The following TGS1 variants were observed in gnomAD, a reference collection of about 807,000 sequenced individuals.
TGS1 encodes the protein trimethylguanosine synthase 1.
A neutral mutation model predicts 92.2 loss-of-function variants in TGS1; 69 were observed. The observed-to-expected ratio is 0.75, with a 90% CI of 0.62 to 0.91. The LOEUF (loss-of-function observed/expected upper bound fraction) is 0.91. Ranked by LOEUF, TGS1 falls within the 40% of genes least tolerant of loss-of-function variation. TGS1 has a pLI of 0.00. For synonymous variants in TGS1, 345 were observed against 338.1 expected (o/e 1.02, Z -0.22); for missense variants, 1,062 against 1,001.2 (o/e 1.06, Z -0.82).
At chr8:55,800,743 G>A (rs1425801233) in intron 8 of TGS1, among the ~76,000 whole-genome samples, 2 of 152,146 alleles carry the variant, frequency 1.3e-5, no homozygotes, top group Non-Finnish European at 2.9e-5. Flanking sequence ...CACTTGTTTG[G>A]GGATGGGGAG....
At chr8:55,808,548 G>A (rs1355608608) in intron 10 of TGS1, among the ~76,000 whole-genome samples, 6 of 141,492 alleles carry the variant, frequency 4.2e-5, no homozygotes, top group East Asian at 2.0e-4. Context: ...TCACTCTGTC[G>A]CCCAGGTTGG....
At position 55,825,534 on chromosome 8, in the gene TGS1, T is replaced by C. The variant is rs1328908913; in HGVS notation, c.*831T>C. On this transcript the variant is annotated 3_prime_UTR_variant, in exon 13 of 13. Coordinates refer to ENST00000260129, the MANE Select transcript of TGS1 (RefSeq NM_024831.8). Reference sequence around the variant, plus strand: ...CAAAAAAATAGTGACATACAACACTTGTCCATTGAAGGTTAGACCTGGGAC... The same window carrying C: ...CAAAAAAATAGTGACATACAACACTCGTCCATTGAAGGTTAGACCTGGGAC... The C allele has an allele frequency of 6.6e-6, 1 of 152,246 alleles. No individual in the cohort carries two copies. The highest frequency in any genetic ancestry group is 1.5e-5 in the Non-Finnish European group (1 of 68,044). 9.4% of individuals were successfully genotyped at this position (152,246 alleles called of 1,614,324 possible).
At chr8:55,796,783 G>T (rs1812066722) in intron 7 of TGS1, among the ~76,000 whole-genome samples, 1 of 152,038 alleles carries the variant, frequency 6.6e-6, no homozygotes, top group South Asian at 2.1e-4. Context: ...CTGAGGTCAG[G>T]AGTTCGAGAC....
intron 9 of TGS1, 101 bp downstream of exon 9, chr8:55,802,707 C>G: frequency 8.5e-7 from 1 of 1,175,738 alleles, no homozygotes; most frequent in South Asian, 1.7e-5. Context: ...CCCCTTTACC[C>G]AGATTCAGCT....
At chr8:55,807,977 A>G (rs1400856671) in intron 10 of TGS1, among the ~76,000 whole-genome samples, 1 of 152,258 alleles carries the variant, frequency 6.6e-6, no homozygotes, top group Non-Finnish European at 1.5e-5. Context: ...AGGAAAGCGT[A>G]ATATGATTTT....
intron 1 of TGS1, among the ~76,000 whole-genome samples, chr8:55,774,419 T>C (rs995113118): frequency 6.6e-6 from 1 of 152,240 alleles, no homozygotes; most frequent in African/African-American, 2.4e-5. Context: ...GGAAGTGAAT[T>C]TTATGTGATA....
At chr8:55,792,877 A>G (rs1811924911) in intron 6 of TGS1, 93 bp downstream of exon 6, 1 of 762,812 alleles carries the variant, frequency 1.3e-6, no homozygotes, top group East Asian at 2.6e-5. Flanking sequence ...ATAAATGATC[A>G]TGTGTTGAGA....
chr8:55,810,361 G>A (rs984813407), intron 10 of TGS1, among the ~76,000 whole-genome samples: 6 of 152,132 alleles, frequency 3.9e-5, no homozygotes, highest in Non-Finnish European at 8.8e-5. Flanking sequence ...AAACATTATC[G>A]GCAGGTGTTT....
In TGS1 at chr8:55,786,896, A is replaced by C; in HGVS notation, c.998A>C (p.Gln333Pro). 6.2e-7 allele frequency: 1 copy of C among 1,614,206 alleles called. No homozygotes were observed. The highest frequency in any genetic ancestry group is 8.5e-7 in the Non-Finnish European group (1 of 1,180,016). ...AAACTGAATTCAGAGGAAGTAACAC[A>C]GAGCCAATTAGATTCCTGTACAAGT... ...NIKLNSEEVT[Q>P]SQLDSCTSHD... The change falls in exon 4 of 13, where the codon CAG becomes CCG. Residue 333 changes from glutamine (Q) to proline (P), a missense_variant. Transcript: ENST00000260129.
intron 7 of TGS1, 104 bp downstream of exon 7, chr8:55,796,256 T>C: frequency 1.2e-6 from 1 of 863,338 alleles, no homozygotes; most frequent in Non-Finnish European, 1.7e-6. Context: ...CTACCAGGTA[T>C]CAAGGTACAT....
intron 7 of TGS1, 46 bp downstream of exon 7, chr8:55,796,198 G>A (rs199700942): frequency 7.0e-7 from 1 of 1,436,514 alleles, no homozygotes; most frequent in Non-Finnish European, 9.6e-7. Flanking sequence ...ATCATGTTTT[G>A]TAAGTTTGAC....
intron 12 of TGS1, among the ~76,000 whole-genome samples, chr8:55,821,741 C>T (rs905649800): frequency 3.3e-5 from 5 of 151,664 alleles, no homozygotes; most frequent in African/African-American, 7.3e-5. Context: ...GGTGTGGTGG[C>T]GGGCGCCTGT....
chr8:55,798,823 C>T, intron 7 of TGS1, 91 bp from the exon 8 acceptor site: 1 of 1,061,328 alleles, frequency 9.4e-7, no homozygotes, highest in East Asian at 2.5e-5. Flanking sequence ...TTTGACACAG[C>T]TTTTCAGTCA....
rs114013344 is a variant in TGS1, at chr8:55,782,707, C to T, written c.102-41C>T. 2.4e-3 allele frequency: 3,581 copies of T among 1,492,256 alleles called. 76 individuals are homozygous for T. In the African/African-American group the frequency reaches 0.046, roughly 19 times the overall value. The allele number at this position is 1,492,256 out of a possible 1,614,324, so 92.4% of individuals were successfully genotyped here. On this transcript the variant is annotated intron_variant, in intron 1 of 12. Coordinates refer to ENST00000260129, the MANE Select transcript of TGS1 (RefSeq NM_024831.8). ...GATTTCTTTCCCTCTAAACTGATGGCTTAATTCATTTCAATATGAACTGCT... is the reference window on the plus strand; with the variant it reads ...GATTTCTTTCCCTCTAAACTGATGGTTTAATTCATTTCAATATGAACTGCT...
intron 12 of TGS1, among the ~76,000 whole-genome samples, chr8:55,820,618 C>T (rs570866458): frequency 1.3e-5 from 2 of 152,276 alleles, no homozygotes; most frequent in South Asian, 2.1e-4. Context: ...TGTGCTTTAA[C>T]ACCTTCATTG....
chr8:55,810,660 A>G (rs956238268), intron 10 of TGS1, among the ~76,000 whole-genome samples: 1 of 152,246 alleles, frequency 6.6e-6, no homozygotes, highest in African/African-American at 2.4e-5. Context: ...AAGAAAGCCA[A>G]GTCCTTCAGT....
chr8:55,808,740 C>T (rs1803255506), intron 10 of TGS1, among the ~76,000 whole-genome samples: 1 of 151,974 alleles, frequency 6.6e-6, no homozygotes, highest in Non-Finnish European at 1.5e-5. Context: ...AACTCCTGAC[C>T]TCAGGTGATC....
intron 12 of TGS1, among the ~76,000 whole-genome samples, chr8:55,814,114 GT>G (rs754060442): frequency 6.6e-6 from 1 of 151,846 alleles, no homozygotes. Context: ...TGCCCAGCTA[GT>G]TTTTTTATTT....
chr8:55,778,517 C>T (rs974399068), intron 1 of TGS1, among the ~76,000 whole-genome samples: 2 of 152,136 alleles, frequency 1.3e-5, no homozygotes, highest in South Asian at 4.2e-4. Flanking sequence ...CTATATTTCC[C>T]TCTGATCATA....
Sources: allele counts gnomAD v4.1 joint callset (sites outside exome capture counted in the v4.1 genomes callset), GRCh38; gene constraint gnomAD v4.1.1; transcripts MANE v1.5; gene names NCBI Gene and HGNC (gene_info 2026-07-23, HGNC 2026-07-21).